CRTC1: variants seen among roughly 807,000 people sequenced by gnomAD.
The protein encoded by CRTC1 is CREB regulated transcription coactivator 1, also known as CREB-regulated transcription coactivator 1.
A neutral mutation model predicts 66.1 loss-of-function variants in CRTC1; 18 were observed. That is an observed-to-expected ratio of 0.27 (90% CI 0.19 to 0.40). The LOEUF (loss-of-function observed/expected upper bound fraction) is 0.40. Among genes scored for constraint, CRTC1 ranks in the 10% least tolerant of loss-of-function variants. The pLI, the probability that CRTC1 is intolerant of heterozygous loss-of-function variation, is 1.00. For missense variants in CRTC1, 669 were observed against 887.9 expected (o/e 0.75, Z 3.13); for synonymous variants, 416 against 398.8 (o/e 1.04, Z -0.51).
At chr19:18,737,137 C>T (rs536211060) in intron 1 of CRTC1, among the ~76,000 whole-genome samples, 13 of 152,014 alleles carry the variant, frequency 8.6e-5, no homozygotes, top group Non-Finnish European at 1.6e-4. Flanking sequence ...GGAGTGTGGA[C>T]GTGGGCACAG....
At chr19:18,723,322 G>C (rs1468870001) in intron 1 of CRTC1, among the ~76,000 whole-genome samples, 1 of 152,200 alleles carries the variant, frequency 6.6e-6, no homozygotes, top group Non-Finnish European at 1.5e-5. Flanking sequence ...TTCGGATGTT[G>C]TTAACCGTCC....
intron 1 of CRTC1, among the ~76,000 whole-genome samples, chr19:18,724,130 C>G (rs560252909): frequency 6.6e-6 from 1 of 152,258 alleles, no homozygotes; most frequent in East Asian, 1.9e-4. Flanking sequence ...CGGGAACCGG[C>G]GGGGCGGACA....
chr19:18,690,990 C>T lies in CRTC1; in HGVS notation c.126+7162C>T, dbSNP rs180941198. Among the ~76,000 whole-genome samples the T allele has an allele frequency of 4.3e-4, 63 of 147,946 alleles. 2 individuals are homozygous for T. In the South Asian group the frequency reaches 8.1e-3, roughly 19 times the overall value. ...GCAGTGAGCCGAGATCACGCCACTA[C>T]GCTCGAGCATGGATGACAGAGCGAG... On this transcript the variant is annotated intron_variant, in intron 1 of 13. Transcript: ENST00000321949.
At chr19:18,746,956 C>A in intron 3 of CRTC1, 97 bp from the exon 4 acceptor site, 1 of 1,202,058 alleles carries the variant, frequency 8.3e-7, no homozygotes, top group Non-Finnish European at 1.2e-6. Context: ...CTCAGGCCGA[C>A]CCCAGCCAGC....
intron 1 of CRTC1, among the ~76,000 whole-genome samples, chr19:18,736,171 C>T (rs574042156): frequency 3.8e-4 from 58 of 152,354 alleles, no homozygotes; most frequent in African/African-American, 1.2e-3. Context: ...CACACATCCC[C>T]GCCTGCGGCT....
intron 1 of CRTC1, among the ~76,000 whole-genome samples, chr19:18,732,526 A>T (rs7257151): frequency 0.018 from 2,670 of 152,316 alleles, 91 homozygotes; most frequent in African/African-American, 0.061. Context: ...GTATTTTATC[A>T]TGGCAGCCTG....
chr19:18,776,091 G>A (rs1056295775), intron 13 of CRTC1, among the ~76,000 whole-genome samples: 1 of 152,210 alleles, frequency 6.6e-6, no homozygotes, highest in Non-Finnish European at 1.5e-5. Context: ...GCGGCCTCCT[G>A]TCTGGCCAAG....
chr19:18,765,540 A>G lies in CRTC1; in HGVS notation c.1011+12A>G, dbSNP rs1017032205. ...CACCCATCACTCAGGTGCGAGGGCA[A>G]GGTGGGGGGCAGGTGGGAGGGGGAA... On this transcript the variant is annotated intron_variant, in intron 9 of 13. Transcript: ENST00000321949. 2.5e-6 allele frequency: 4 copies of G among 1,597,348 alleles called. No homozygotes were observed. In the African/African-American group the frequency reaches 4.0e-5, roughly 16 times the overall value.
chr19:18,707,350 G>C (rs1337604537), intron 1 of CRTC1, among the ~76,000 whole-genome samples: 1 of 152,140 alleles, frequency 6.6e-6, no homozygotes, highest in Non-Finnish European at 1.5e-5. Context: ...CCGTTTTGTT[G>C]AAAAGACTGT....
At chr19:18,691,999 C>T (rs1300263691) in intron 1 of CRTC1, among the ~76,000 whole-genome samples, 1 of 152,096 alleles carries the variant, frequency 6.6e-6, no homozygotes, top group Non-Finnish European at 1.5e-5. Context: ...AGGTGTGAGC[C>T]ACCGCGCTCG....
intron 1 of CRTC1, among the ~76,000 whole-genome samples, chr19:18,721,439 C>T (rs1276166941): frequency 6.6e-6 from 1 of 151,640 alleles, no homozygotes; most frequent in Non-Finnish European, 1.5e-5. Flanking sequence ...GTGATCCACC[C>T]ACCTTGGCCT....
chr19:18,712,554 C>T (rs1284822505), intron 1 of CRTC1, among the ~76,000 whole-genome samples: 2 of 152,178 alleles, frequency 1.3e-5, no homozygotes, highest in Non-Finnish European at 2.9e-5. Flanking sequence ...GCCACCATAC[C>T]CAGCCCTAAT....
intron 1 of CRTC1, among the ~76,000 whole-genome samples, chr19:18,691,183 T>G (rs1600746496): frequency 2.3e-5 from 3 of 133,054 alleles, no homozygotes; most frequent in African/African-American, 2.9e-5. Flanking sequence ...CAGAGTGAGA[T>G]CCTGTCTCAA....
At chr19:18,687,270 C>T (rs988724413) in intron 1 of CRTC1, among the ~76,000 whole-genome samples, 2 of 152,062 alleles carry the variant, frequency 1.3e-5, no homozygotes, top group East Asian at 3.9e-4. Flanking sequence ...GTGATCCGGC[C>T]ACCTCGGCCT....
intron 8 of CRTC1, among the ~76,000 whole-genome samples, chr19:18,763,408 T>G (rs2054658309): frequency 1.3e-5 from 2 of 152,188 alleles, no homozygotes. Context: ...GCCGACGGTA[T>G]TCAGGACGGT....
At position 18,779,583 on chromosome 19, in the gene CRTC1, CA is replaced by C. The variant is rs2055064246; in HGVS notation, c.*2205del. The C allele has an allele frequency of 4.5e-6, 1 of 220,028 alleles. No individual in the cohort carries two copies. Among genetic ancestry groups the C allele is most frequent in the African/African-American group, 2.3e-5 (1 of 44,438 alleles). The allele number at this position is 220,028 out of a possible 1,614,324, so 13.6% of individuals were successfully genotyped here. A position where few individuals can be genotyped will look rare whatever the true frequency, so the allele number is the denominator to read the frequency against. On this transcript the variant is annotated 3_prime_UTR_variant, in exon 14 of 14. Coordinates refer to ENST00000321949, the MANE Select transcript of CRTC1 (RefSeq NM_015321.3). ...AAGCAACCCGCCTGGATGCGGTTTT[CA>C]AAAGAAGGCATTGAGGACCATGCTA...
At chr19:18,720,082 C>T (rs1215504688) in intron 1 of CRTC1, among the ~76,000 whole-genome samples, 3 of 152,226 alleles carry the variant, frequency 2.0e-5, no homozygotes, top group Non-Finnish European at 4.4e-5. Context: ...TACAAATAGA[C>T]GTGTGCTTGC....
Position 18,753,502 on chromosome 19 carries a change from T to G in CRTC1, c.541T>G (p.Leu181Val). The change falls in exon 6 of 14, where the codon TTA becomes GTA. Residue 181 changes from leucine (L) to valine (V), a missense_variant and splice_region_variant. Around this residue, in one of 8 missense-constraint regions of CRTC1, gnomAD observed 214 missense variants for 323.4 expected, o/e 0.66. Coordinates refer to ENST00000321949, the MANE Select transcript of CRTC1 (RefSeq NM_015321.3). The part of the protein sequence containing the change: ...GSQDVHQKRV[L>V]LLTVPGMEET... ...TTCTCCCCCTCCCACCTCCCCAGTC[T>G]TACTGTTAACAGTCCCAGGAATGGA... The G allele has an allele frequency of 6.2e-7, 1 of 1,609,522 alleles. No homozygotes were observed. The highest frequency in any genetic ancestry group is 2.2e-5 in the East Asian group (1 of 44,816).
rs1007175647 is a variant in CRTC1, at chr19:18,746,190, C to T, written c.381+230C>T. Among the ~76,000 whole-genome samples, 5 of 152,142 alleles carry T rather than the reference C, an allele frequency of 3.3e-5. No homozygotes were observed. In the East Asian group the frequency reaches 7.7e-4, roughly 23 times the overall value. On this transcript the variant is annotated intron_variant, in intron 3 of 13. Transcript: ENST00000321949. ...GCCAGACTTGGGGGCTCAAGGGGCA[C>T]AGGGAACAGCTCTCAAGGCAGGAGT...
Sources: gnomAD v4.1 joint callset for allele counts (sites outside exome capture counted in the v4.1 genomes callset) on GRCh38, gnomAD v4.1.1 for gene constraint, gnomAD v4.1.1 regional missense constraint, MANE v1.5 for transcripts, NCBI Gene and HGNC (gene_info 2026-07-23, HGNC 2026-07-21) for gene names.